RNF144A: variants seen among roughly 807,000 people sequenced by gnomAD.
RNF144A encodes the protein E3 ubiquitin-protein ligase RNF144A.
RNF144A carries 11 observed loss-of-function variants against 38.7 expected under a neutral mutation model. The ratio of observed to expected loss-of-function variants is 0.28; its 90% confidence interval spans 0.18 to 0.47. RNF144A has a LOEUF of 0.47. Ranked by LOEUF, RNF144A falls within the 20% of genes least tolerant of loss-of-function variation. The probability of loss-of-function intolerance (pLI) is 0.99; values close to 1 mark genes in which losing one functional copy is unlikely to be tolerated. For missense variants in RNF144A, 316 were observed against 377.2 expected, an observed-to-expected ratio of 0.84 and a Z score of 1.34; for synonymous variants, 149 against 143.9, an observed-to-expected ratio of 1.04 and a Z score of -0.25.
chr2:7,010,972 A>G (rs1332128822), intron 3 of RNF144A, among the ~76,000 whole-genome samples: 3 of 152,110 alleles, frequency 2.0e-5, no homozygotes, highest in Non-Finnish European at 4.4e-5. Flanking sequence ...CAAATGGATC[A>G]TTGCATTTGC....
intron 3 of RNF144A, among the ~76,000 whole-genome samples, chr2:7,009,297 G>T (rs958492144): frequency 2.0e-5 from 3 of 152,214 alleles, no homozygotes; most frequent in African/African-American, 7.2e-5. Flanking sequence ...TGCAAAGCAG[G>T]ATCATCTTGT....
chr2:7,075,850 G>A, the RNF144A span, among the ~76,000 whole-genome samples: 4 of 152,158 alleles, frequency 2.6e-5, no homozygotes, highest in African/African-American at 9.7e-5. Context: ...TAAGGGGAAG[G>A]GGGGACATGT....
intron 2 of RNF144A, among the ~76,000 whole-genome samples, chr2:6,970,719 G>T (rs1667954316): frequency 6.6e-6 from 1 of 152,132 alleles, no homozygotes; most frequent in Non-Finnish European, 1.5e-5. Flanking sequence ...TGAGCCCAGG[G>T]TCTGTCCCAG....
chr2:7,043,093 C>T lies in RNF144A; in HGVS notation c.*3333C>T. 1 of 730,592 alleles carries T rather than the reference C, an allele frequency of 1.4e-6. No homozygotes were observed. The highest frequency in any genetic ancestry group is 1.7e-6 in the Non-Finnish European group (1 of 597,676). The allele number at this position is 730,592 out of a possible 1,614,324, so 45.3% of individuals were successfully genotyped here. ...ATGTTGGCCAGGCTACTCTCAAACT[C>T]CTGACCTCAGGTGATCTGCCCACCT... On this transcript the variant is annotated 3_prime_UTR_variant, in exon 9 of 9. Transcript: ENST00000320892.
At position 6,954,780 on chromosome 2, in the gene RNF144A, C is replaced by T. The variant is rs561336831; in HGVS notation, c.-12+13633C>T. 3.3e-5 allele frequency among the ~76,000 whole-genome samples: 5 copies of T among 152,266 alleles called. No individual in the cohort carries two copies. The South Asian group carries it at 1.0e-3, about 32-fold the overall frequency. On this transcript the variant is annotated intron_variant, in intron 2 of 8. Coordinates refer to ENST00000320892, the MANE Select transcript of RNF144A (RefSeq NM_014746.6). ...AGACAAAGGACTGAGATCTTACGTG[C>T]GTGTAAGTCCAGGGCCATGTGACAC...
intron 2 of RNF144A, among the ~76,000 whole-genome samples, chr2:6,986,141 T>A (rs1668948488): frequency 6.6e-6 from 1 of 152,096 alleles, no homozygotes; most frequent in South Asian, 2.1e-4. Flanking sequence ...AAGCCAGCTG[T>A]CCCAGCCAGC....
chr2:6,985,447 C>G (rs1668891788), intron 2 of RNF144A, among the ~76,000 whole-genome samples: 1 of 152,012 alleles, frequency 6.6e-6, no homozygotes, highest in Non-Finnish European at 1.5e-5. Flanking sequence ...GAACCTAATT[C>G]TGGTTTGCTC....
intron 2 of RNF144A, among the ~76,000 whole-genome samples, chr2:6,980,698 A>G (rs1668576787): frequency 6.6e-6 from 1 of 152,132 alleles, no homozygotes; most frequent in Non-Finnish European, 1.5e-5. Context: ...TGGTGGATCT[A>G]CCTTTCTGTG....
chr2:7,068,896 G>C (rs1463767058), downstream of RNF144A, among the ~76,000 whole-genome samples: 1 of 152,202 alleles, frequency 6.6e-6, no homozygotes, highest in Non-Finnish European at 1.5e-5. Context: ...CACCTAAGTA[G>C]AGGCTGCCTG....
intron 6 of RNF144A, among the ~76,000 whole-genome samples, chr2:7,063,745 G>A (rs1674070218): frequency 6.6e-6 from 1 of 152,154 alleles, no homozygotes; most frequent in Non-Finnish European, 1.5e-5. Flanking sequence ...AGGAAGAAAT[G>A]TTCTAACGTC....
chr2:7,051,044 C>T (rs571228289), intron 6 of RNF144A, among the ~76,000 whole-genome samples: 45 of 152,330 alleles, frequency 3.0e-4, no homozygotes, highest in Middle Eastern at 6.8e-3. Context: ...TGCAAATGCA[C>T]GGAGACATCA....
intron 2 of RNF144A, among the ~76,000 whole-genome samples, chr2:6,961,298 T>C (rs1297294283): frequency 6.6e-6 from 1 of 152,210 alleles, no homozygotes; most frequent in Non-Finnish European, 1.5e-5. Context: ...ATGATGATAA[T>C]GATTATGTGC....
At chr2:6,953,526 T>C (rs1206895376) in intron 2 of RNF144A, among the ~76,000 whole-genome samples, 1 of 152,234 alleles carries the variant, frequency 6.6e-6, no homozygotes, top group East Asian at 1.9e-4. Flanking sequence ...TTTTTAAAAT[T>C]ACATATTTTT....
At chr2:6,928,292 G>A (rs940766417) in intron 1 of RNF144A, among the ~76,000 whole-genome samples, 3 of 152,192 alleles carry the variant, frequency 2.0e-5, no homozygotes, top group African/African-American at 7.2e-5. Context: ...AATCTACCCT[G>A]ACTTCCATCA....
At chr2:6,948,737 C>G (rs975905325) in intron 2 of RNF144A, among the ~76,000 whole-genome samples, 1 of 152,184 alleles carries the variant, frequency 6.6e-6, no homozygotes, top group Non-Finnish European at 1.5e-5. Flanking sequence ...CAAGACCCTC[C>G]AGGATCCAGA....
At chr2:7,006,054 G>A (rs1056229180) in intron 3 of RNF144A, among the ~76,000 whole-genome samples, 4 of 150,312 alleles carry the variant, frequency 2.7e-5, no homozygotes, top group Admixed American at 6.6e-5. Flanking sequence ...TTTTTTCCTC[G>A]TGTTGCCCCT....
At chr2:7,000,000 T>C (rs1032506600) in intron 3 of RNF144A, among the ~76,000 whole-genome samples, 2 of 152,216 alleles carry the variant, frequency 1.3e-5, no homozygotes, top group Non-Finnish European at 2.9e-5. Context: ...TACTGTCACT[T>C]ACCTGTGTTC....
intron 2 of RNF144A, among the ~76,000 whole-genome samples, chr2:6,989,605 T>A (rs535867978): frequency 1.3e-4 from 20 of 152,320 alleles, no homozygotes; most frequent in Non-Finnish European, 2.8e-4. Flanking sequence ...GATTTTTTTT[T>A]AAATTGCATG....
At position 6,962,283 on chromosome 2, in the gene RNF144A, T is replaced by G. The variant is rs1667395889; in HGVS notation, c.-12+21136T>G. Among the ~76,000 whole-genome samples, 1 of 152,222 alleles carries G rather than the reference T, an allele frequency of 6.6e-6. No homozygotes were observed. The highest frequency in any genetic ancestry group is 1.5e-5 in the Non-Finnish European group (1 of 68,034). ...GCCTGAGCTCCACCATGTTGCCCTTTTATTTATTACTGTACACGTGGTAAC... is the reference window on the plus strand; with the variant it reads ...GCCTGAGCTCCACCATGTTGCCCTTGTATTTATTACTGTACACGTGGTAAC... On this transcript the variant is annotated intron_variant, in intron 2 of 8. Coordinates refer to ENST00000320892, the MANE Select transcript of RNF144A (RefSeq NM_014746.6). This position sits in a 1 kb window ranked among gnomAD's most constrained non-coding sequence, Gnocchi z 4.1.
Sources: allele counts gnomAD v4.1 joint callset (sites outside exome capture counted in the v4.1 genomes callset), GRCh38; gene constraint gnomAD v4.1.1; non-coding constraint Gnocchi (gnomAD v3.1); transcripts MANE v1.5; gene names NCBI Gene and HGNC (gene_info 2026-07-23, HGNC 2026-07-21).